The following TENM4 variants were observed in gnomAD, a reference collection of about 807,000 sequenced individuals.
TENM4 encodes the protein teneurin-4.
In TENM4, 82 loss-of-function variants were observed where a neutral mutation model predicts 243.3. The ratio of observed to expected loss-of-function variants is 0.34; its 90% confidence interval spans 0.28 to 0.40. The LOEUF is 0.40. TENM4 is among the 10% of genes least tolerant of loss of function. The probability of loss-of-function intolerance (pLI) is 1.00; values close to 1 mark genes in which losing one functional copy is unlikely to be tolerated. For synonymous variants in TENM4, 1,412 were observed against 1,456.3 expected (o/e 0.97, Z 0.69); for missense variants, 3,138 against 3,673.3 (o/e 0.85, Z 3.77).
At chr11:78,796,787 G>T (rs982731039) in intron 15 of TENM4, among the ~76,000 whole-genome samples, 5 of 152,116 alleles carry the variant, frequency 3.3e-5, no homozygotes, top group African/African-American at 4.8e-5. Flanking sequence ...CCTAGAAAAT[G>T]CCTTGATCTC....
chr11:78,953,283 C>A (rs956163265), intron 6 of TENM4, among the ~76,000 whole-genome samples: 10 of 152,184 alleles, frequency 6.6e-5, no homozygotes, highest in African/African-American at 2.2e-4. Context: ...CACCCGAAAT[C>A]TCTGGAAATC....
intron 4 of TENM4, among the ~76,000 whole-genome samples, chr11:79,083,110 A>T (rs1860717533): frequency 6.6e-6 from 1 of 152,116 alleles, no homozygotes; most frequent in African/African-American, 2.4e-5. Context: ...GCCGTTGGTA[A>T]TTAAGTCTTA....
intron 2 of TENM4, among the ~76,000 whole-genome samples, chr11:79,249,265 T>C (rs910152147): frequency 3.3e-5 from 5 of 152,236 alleles, no homozygotes; most frequent in African/African-American, 1.2e-4. Context: ...GTGAGGAAAC[T>C]GAGGCACAGA....
At chr11:79,036,218 G>A (rs922856184) in intron 6 of TENM4, among the ~76,000 whole-genome samples, 10 of 152,204 alleles carry the variant, frequency 6.6e-5, no homozygotes, top group Admixed American at 2.0e-4. Context: ...AGCACTTTGA[G>A]GAGCAAGGCT....
intron 1 of TENM4, among the ~76,000 whole-genome samples, chr11:79,377,643 T>G (rs990804141): frequency 6.6e-6 from 1 of 152,202 alleles, no homozygotes; most frequent in Non-Finnish European, 1.5e-5. Context: ...TTTTTTGTTA[T>G]GCAAATAAGT....
chr11:79,002,016 C>T (rs1858341995), intron 6 of TENM4, among the ~76,000 whole-genome samples: 1 of 152,154 alleles, frequency 6.6e-6, no homozygotes, highest in African/African-American at 2.4e-5. Context: ...CCAGGGTGCA[C>T]CTGGCTTCCC....
At chr11:78,763,593 C>A (rs1856478419) in intron 18 of TENM4, among the ~76,000 whole-genome samples, 1 of 152,188 alleles carries the variant, frequency 6.6e-6, no homozygotes, top group Non-Finnish European at 1.5e-5. Context: ...TCTTTGATGC[C>A]TGCCTTGCAG....
intron 10 of TENM4, among the ~76,000 whole-genome samples, chr11:78,862,479 T>C (rs979353652): frequency 1.3e-5 from 2 of 152,196 alleles, no homozygotes; most frequent in African/African-American, 4.8e-5. Context: ...GGCAAATAAG[T>C]GACTTGCTCA....
At chr11:79,068,156 C>G (rs1393597956) in intron 5 of TENM4, 1 of 152,230 alleles carries the variant, frequency 6.6e-6, no homozygotes, top group Admixed American at 6.5e-5. Flanking sequence ...TGTCTCTTCT[C>G]TTCAGTGAGA....
chr11:79,405,226 CT>C (rs1353678135), intron 1 of TENM4, among the ~76,000 whole-genome samples: 6 of 152,080 alleles, frequency 3.9e-5, no homozygotes, highest in Admixed American at 1.3e-4. Context: ...TCTTCCGAGG[CT>C]TATGAGCTAG....
At chr11:78,916,329 ATTTAGGCTATTAATTCACTC>A (rs1856315842) in intron 6 of TENM4, among the ~76,000 whole-genome samples, 1 of 152,210 alleles carries the variant, frequency 6.6e-6, no homozygotes, top group Admixed American at 6.5e-5. Flanking sequence ...GAAAGGATCA[ATTTAGGCTATTAATTCACTC>A]TCATAGCTCC....
At chr11:79,010,227 T>C (rs551441998) in intron 6 of TENM4, among the ~76,000 whole-genome samples, 3 of 152,322 alleles carry the variant, frequency 2.0e-5, no homozygotes, top group Middle Eastern at 3.4e-3. Flanking sequence ...CTTTACATGA[T>C]ACTTTTCATG....
intron 12 of TENM4, among the ~76,000 whole-genome samples, chr11:78,817,443 C>T (rs868156607): frequency 3.3e-5 from 5 of 152,162 alleles, no homozygotes; most frequent in East Asian, 1.9e-4. Flanking sequence ...CACGTGGCCT[C>T]GTTTCAGGGC....
At chr11:79,383,172 T>C (rs955929840) in intron 1 of TENM4, among the ~76,000 whole-genome samples, 1 of 152,160 alleles carries the variant, frequency 6.6e-6, no homozygotes. Flanking sequence ...CAGAAAGCAC[T>C]AGCAGGAGAG....
At chr11:78,872,189 T>G (rs1200743498) in intron 9 of TENM4, among the ~76,000 whole-genome samples, 1 of 152,212 alleles carries the variant, frequency 6.6e-6, no homozygotes, top group African/African-American at 2.4e-5. Context: ...CTTGTCACAC[T>G]GTCATCAAGG....
At chr11:78,959,385 T>C (rs1037708358) in intron 6 of TENM4, among the ~76,000 whole-genome samples, 2 of 152,198 alleles carry the variant, frequency 1.3e-5, no homozygotes, top group African/African-American at 4.8e-5. Context: ...CATAAAAGCA[T>C]TTATTAGGCC....
At chr11:78,851,248 G>A (rs1254828232) in intron 12 of TENM4, among the ~76,000 whole-genome samples, 3 of 152,166 alleles carry the variant, frequency 2.0e-5, no homozygotes, top group African/African-American at 7.2e-5. Context: ...AGATCCTCAG[G>A]TGGTTCACTC....
intron 1 of TENM4, among the ~76,000 whole-genome samples, chr11:79,404,495 T>A (rs1858526853): frequency 6.6e-6 from 1 of 152,192 alleles, no homozygotes; most frequent in African/African-American, 2.4e-5. Context: ...ACAGTTTCCT[T>A]TTGCTGTGAT....
intron 6 of TENM4, among the ~76,000 whole-genome samples, chr11:79,060,869 T>G (rs991970040): frequency 6.6e-6 from 1 of 152,196 alleles, no homozygotes; most frequent in Non-Finnish European, 1.5e-5. Flanking sequence ...GTGACCACAC[T>G]GTGATGTGTT....
Sources: gnomAD v4.1 joint callset for allele counts (sites outside exome capture counted in the v4.1 genomes callset) on GRCh38, gnomAD v4.1.1 for gene constraint, MANE v1.5 for transcripts, NCBI Gene and HGNC (gene_info 2026-07-23, HGNC 2026-07-21) for gene names.